NKAIN2: variants seen among roughly 807,000 people sequenced by gnomAD.
NKAIN2 encodes the protein sodium/potassium-transporting ATPase subunit beta-1-interacting protein 2.
In NKAIN2, 14 loss-of-function variants were observed where a neutral mutation model predicts 32.6. That is an observed-to-expected ratio of 0.43 (90% CI 0.28 to 0.67). NKAIN2 has a LOEUF of 0.67. Among genes scored for constraint, NKAIN2 ranks in the 30% least tolerant of loss-of-function variants. The pLI is 0.17. For missense variants in NKAIN2, 198 were observed against 258.3 expected (o/e 0.77, Z 1.60); for synonymous variants, 80 against 87.2 (o/e 0.92, Z 0.46).
chr6:124,408,396 G>A (rs1156709885), intron 3 of NKAIN2, among the ~76,000 whole-genome samples: 3 of 152,192 alleles, frequency 2.0e-5, no homozygotes, highest in African/African-American at 7.2e-5. Flanking sequence ...AAGGGATCCA[G>A]TTTCAGCTTT....
intron 2 of NKAIN2, among the ~76,000 whole-genome samples, chr6:124,301,553 C>G (rs996487761): frequency 7.2e-5 from 11 of 152,128 alleles, no homozygotes; most frequent in African/African-American, 2.7e-4. Flanking sequence ...ACACTCAACA[C>G]CAGCCCCTGA....
chr6:124,701,976 C>T (rs1184350946), intron 4 of NKAIN2, among the ~76,000 whole-genome samples: 1 of 152,016 alleles, frequency 6.6e-6, no homozygotes, highest in Non-Finnish European at 1.5e-5. Flanking sequence ...ACAGTGAGCC[C>T]ATAAAGGAGA....
At chr6:124,555,980 G>T (rs1216010025) in intron 3 of NKAIN2, among the ~76,000 whole-genome samples, 3 of 150,958 alleles carry the variant, frequency 2.0e-5, no homozygotes, top group African/African-American at 4.9e-5. Flanking sequence ...CCTTTACTGA[G>T]TTATTGAAAT....
chr6:124,317,714 A>G (rs1473168446), intron 2 of NKAIN2, among the ~76,000 whole-genome samples: 1 of 152,046 alleles, frequency 6.6e-6, no homozygotes, highest in African/African-American at 2.4e-5. Context: ...CATATTTCTT[A>G]GTGCTCAGGG....
chr6:124,599,724 C>A (rs1282866146), intron 3 of NKAIN2, among the ~76,000 whole-genome samples: 1 of 152,068 alleles, frequency 6.6e-6, no homozygotes, highest in Non-Finnish European at 1.5e-5. Context: ...ATCCACAATG[C>A]ATTAAGTAAC....
intron 1 of NKAIN2, among the ~76,000 whole-genome samples, chr6:123,937,765 G>A (rs551246157): frequency 5.3e-5 from 8 of 152,022 alleles, no homozygotes; most frequent in Non-Finnish European, 1.2e-4. Context: ...TTTGTTTGGG[G>A]TATCAATGTG....
At position 124,111,106 on chromosome 6, in the gene NKAIN2, T is replaced by C. The variant is rs1785365876; in HGVS notation, c.55-171899T>C. ...ATGTAATTTGTTAGGGTATAATTTTTCATACTAGTCTCTTATGTGATCTAA... is the reference window on the plus strand; with the variant it reads ...ATGTAATTTGTTAGGGTATAATTTTCCATACTAGTCTCTTATGTGATCTAA... On this transcript the variant is annotated intron_variant, in intron 1 of 6. Coordinates refer to ENST00000368417, the MANE Select transcript of NKAIN2 (RefSeq NM_001040214.3). 2.0e-5 allele frequency among the ~76,000 whole-genome samples: 3 copies of C among 152,112 alleles called. No individual in the cohort carries two copies. The South Asian group carries it at 6.2e-4, about 32-fold the overall frequency.
chr6:123,921,864 G>A (rs1173783486), intron 1 of NKAIN2, among the ~76,000 whole-genome samples: 4 of 151,816 alleles, frequency 2.6e-5, no homozygotes, highest in Non-Finnish European at 5.9e-5. Context: ...CAAGGAGGCG[G>A]AGCTTGCAGT....
intron 1 of NKAIN2, among the ~76,000 whole-genome samples, chr6:124,228,411 C>T (rs1346785523): frequency 6.6e-6 from 1 of 152,154 alleles, no homozygotes; most frequent in Admixed American, 6.6e-5. Context: ...CTTTCAGCCT[C>T]TGGAACTGTG....
intron 1 of NKAIN2, among the ~76,000 whole-genome samples, chr6:123,984,156 C>G (rs1188600603): frequency 6.6e-6 from 1 of 152,178 alleles, no homozygotes; most frequent in African/African-American, 2.4e-5. Flanking sequence ...ATCCGCCCAT[C>G]TCAGCCTCCC....
chr6:124,373,881 C>T (rs367854121), intron 3 of NKAIN2, among the ~76,000 whole-genome samples: 2 of 151,978 alleles, frequency 1.3e-5, no homozygotes, highest in African/African-American at 2.4e-5. Context: ...AGAGTAAAGG[C>T]GGCTTTTTCA....
chr6:123,871,472 G>A (rs1440642550), intron 1 of NKAIN2, among the ~76,000 whole-genome samples: 7 of 152,080 alleles, frequency 4.6e-5, no homozygotes, highest in African/African-American at 1.7e-4. Flanking sequence ...CTTCATCACC[G>A]TCACCTCCTA....
intron 4 of NKAIN2, among the ~76,000 whole-genome samples, chr6:124,663,275 C>CA (rs944706042): frequency 2.0e-5 from 3 of 151,448 alleles, no homozygotes; most frequent in South Asian, 2.1e-4. Context: ...AATACACACA[C>CA]AAAAAAATAG....
At chr6:124,350,850 A>G (rs1798691648) in intron 2 of NKAIN2, among the ~76,000 whole-genome samples, 1 of 152,208 alleles carries the variant, frequency 6.6e-6, no homozygotes, top group Non-Finnish European at 1.5e-5. Context: ...ATAGCTGCGC[A>G]TGGTGGCACA....
At chr6:124,219,621 G>T (rs1048744326) in intron 1 of NKAIN2, among the ~76,000 whole-genome samples, 3 of 152,086 alleles carry the variant, frequency 2.0e-5, no homozygotes, top group Admixed American at 6.6e-5. Flanking sequence ...TCTGTTAAGT[G>T]TAGAAGATAT....
At chr6:124,809,031 C>A (rs1438986734) in intron 5 of NKAIN2, among the ~76,000 whole-genome samples, 1 of 152,112 alleles carries the variant, frequency 6.6e-6, no homozygotes, top group Non-Finnish European at 1.5e-5. Context: ...TAAGAAGAAT[C>A]AATATGGTGA....
At chr6:124,429,138 A>G (rs1398900560) in intron 3 of NKAIN2, among the ~76,000 whole-genome samples, 2 of 151,942 alleles carry the variant, frequency 1.3e-5, no homozygotes, top group East Asian at 3.9e-4. Flanking sequence ...GTTGGGTTCA[A>G]GCAGTTCTCC....
intron 3 of NKAIN2, among the ~76,000 whole-genome samples, chr6:124,518,096 C>T (rs1180908427): frequency 6.6e-6 from 1 of 151,426 alleles, no homozygotes; most frequent in Non-Finnish European, 1.5e-5. Flanking sequence ...TTTTATTGTA[C>T]CATGAAAGCT....
chr6:124,567,294 C>A (rs1457496758), intron 3 of NKAIN2, among the ~76,000 whole-genome samples: 1 of 152,308 alleles, frequency 6.6e-6, no homozygotes, highest in East Asian at 1.9e-4. Flanking sequence ...TTCATGATCA[C>A]CAATAATTGG....
Sources: gnomAD v4.1 joint callset for allele counts (sites outside exome capture counted in the v4.1 genomes callset) on GRCh38, gnomAD v4.1.1 for gene constraint, MANE v1.5 for transcripts, NCBI Gene and HGNC (gene_info 2026-07-23, HGNC 2026-07-21) for gene names.